The following ARHGEF26 variants were observed in gnomAD, a reference collection of about 807,000 sequenced individuals.
The protein encoded by ARHGEF26 is Rho guanine nucleotide exchange factor 26.
Under a neutral mutation model 89.4 loss-of-function variants are expected in ARHGEF26, and 59 were observed. The observed-to-expected ratio is 0.66, with a 90% confidence interval of 0.54 to 0.82. The LOEUF (loss-of-function observed/expected upper bound fraction) is 0.82. Among genes scored for constraint, ARHGEF26 ranks in the 40% least tolerant of loss-of-function variants. ARHGEF26 has a pLI of 0.00. For synonymous variants in ARHGEF26, 500 were observed against 428.4 expected (o/e 1.17, Z -2.06); for missense variants, 1,234 against 1,085.6 (o/e 1.14, Z -1.92).
At chr3:154,183,452 GC>G (rs1352842804) in intron 6 of ARHGEF26, among the ~76,000 whole-genome samples, 1 of 152,156 alleles carries the variant, frequency 6.6e-6, no homozygotes, top group Non-Finnish European at 1.5e-5. Flanking sequence ...CTCCTCGTAA[GC>G]CAAATTATTT....
chr3:154,159,371 A>G (rs1235150807), intron 6 of ARHGEF26, among the ~76,000 whole-genome samples: 1 of 152,166 alleles, frequency 6.6e-6, no homozygotes, highest in East Asian at 1.9e-4. Flanking sequence ...CAATTTCTGC[A>G]GAGTAAAGTA....
At chr3:154,180,395 T>G (rs1423773325) in intron 6 of ARHGEF26, among the ~76,000 whole-genome samples, 1 of 151,836 alleles carries the variant, frequency 6.6e-6, no homozygotes, top group Non-Finnish European at 1.5e-5. Context: ...GCTCAGGGCT[T>G]CTTAATTGTG....
chr3:154,185,789 T>C (rs1283969808), intron 6 of ARHGEF26, among the ~76,000 whole-genome samples: 9 of 152,208 alleles, frequency 5.9e-5, no homozygotes, highest in Admixed American at 5.9e-4. Flanking sequence ...TTGGTCTTTC[T>C]GGCATGCTGA....
chr3:154,164,986 T>A (rs960409175), intron 6 of ARHGEF26, among the ~76,000 whole-genome samples: 32 of 152,298 alleles, frequency 2.1e-4, no homozygotes, highest in African/African-American at 7.7e-4. Context: ...CTAAGTGGCA[T>A]TAAGGATTTT....
intron 3 of ARHGEF26, 31 bp downstream of exon 3, chr3:154,124,480 C>G (rs1718205325): frequency 1.3e-6 from 2 of 1,512,668 alleles, no homozygotes; most frequent in Non-Finnish European, 8.8e-7. Context: ...ACTTTCATTG[C>G]TGTTTCAATG....
At chr3:154,195,681 T>C (rs1314564377) in intron 9 of ARHGEF26, among the ~76,000 whole-genome samples, 3 of 152,188 alleles carry the variant, frequency 2.0e-5, no homozygotes, top group Admixed American at 2.0e-4. Flanking sequence ...ATTTGGGTTG[T>C]GTTGTCATTG....
chr3:154,207,403 A>G (rs1166990148), intron 9 of ARHGEF26, among the ~76,000 whole-genome samples: 4 of 152,124 alleles, frequency 2.6e-5, no homozygotes, highest in Non-Finnish European at 5.9e-5. Context: ...TTAAATTTAC[A>G]AGAAAAAAGA....
rs1418772573 is a variant in ARHGEF26, at chr3:154,122,203, G to T, written c.211G>T (p.Ala71Ser). 2 of 1,603,806 alleles carry T rather than the reference G, an allele frequency of 1.2e-6. No homozygotes were observed. The highest frequency in any genetic ancestry group is 2.3e-5 in the East Asian group (1 of 44,138). ...AAQIPAQVPT[A>S]SDSRTVHRSP... ...GCAGATTCCCGCCCAGGTGCCCACC[G>T]CCTCGGACAGCAGGACGGTACATAG... The change falls in exon 2 of 15, where the codon GCC becomes TCC. Residue 71 changes from alanine (A) to serine (S), a missense_variant. Transcript: ENST00000465093.
chr3:154,235,150 ATC>A (rs1717045440), intron 11 of ARHGEF26, among the ~76,000 whole-genome samples: 1 of 151,534 alleles, frequency 6.6e-6, no homozygotes, highest in Non-Finnish European at 1.5e-5. Context: ...ACTCCCTGCC[ATC>A]TCTCAAAAAA....
At chr3:154,192,855 AAAAT>A (rs1448275621) in intron 8 of ARHGEF26, among the ~76,000 whole-genome samples, 1 of 152,252 alleles carries the variant, frequency 6.6e-6, no homozygotes, top group Non-Finnish European at 1.5e-5. Flanking sequence ...TAAAAGAACA[AAAAT>A]AAATAAAATG....
chr3:154,126,220 C>T (rs1295179680), intron 3 of ARHGEF26, among the ~76,000 whole-genome samples: 4 of 152,106 alleles, frequency 2.6e-5, no homozygotes, highest in East Asian at 1.9e-4. Flanking sequence ...ATAGTGCATA[C>T]AGAATATTCT....
At chr3:154,200,742 A>T (rs1451312592) in intron 9 of ARHGEF26, among the ~76,000 whole-genome samples, 2 of 151,428 alleles carry the variant, frequency 1.3e-5, no homozygotes, top group Admixed American at 1.3e-4. Flanking sequence ...ATATTTTTTA[A>T]TTTTTTAGTG....
intron 11 of ARHGEF26, among the ~76,000 whole-genome samples, chr3:154,239,305 T>A (rs969088875): frequency 0.031 from 904 of 29,100 alleles, 4 homozygotes; most frequent in South Asian, 0.059. Context: ...AGAGAGTGTG[T>A]GTGTGTGTGT....
At chr3:154,208,088 A>G (rs1559899656) in intron 9 of ARHGEF26, among the ~76,000 whole-genome samples, 1 of 152,072 alleles carries the variant, frequency 6.6e-6, no homozygotes, top group Non-Finnish European at 1.5e-5. Context: ...ACTGGGGCCT[A>G]TTGGAGGATG....
chr3:154,164,843 A>T (rs1039641039), intron 6 of ARHGEF26, among the ~76,000 whole-genome samples: 3 of 152,146 alleles, frequency 2.0e-5, no homozygotes, highest in African/African-American at 7.2e-5. Flanking sequence ...GCTCTGAAAA[A>T]ATCTGCTGTG....
chr3:154,187,177 A>C (rs1713621452), intron 6 of ARHGEF26: 2 of 981,346 alleles, frequency 2.0e-6, no homozygotes, highest in Non-Finnish European at 2.4e-6. Context: ...CATGTGAGCC[A>C]CCACACCTCC....
intron 12 of ARHGEF26, among the ~76,000 whole-genome samples, chr3:154,249,698 T>TG (rs1718010187): frequency 6.6e-6 from 1 of 152,060 alleles, no homozygotes; most frequent in South Asian, 2.1e-4. Context: ...AAAGTGAATG[T>TG]GGGTAGAGGA....
At chr3:154,224,624 A>G (rs992365673) in intron 10 of ARHGEF26, among the ~76,000 whole-genome samples, 3 of 152,112 alleles carry the variant, frequency 2.0e-5, no homozygotes, top group African/African-American at 7.2e-5. Flanking sequence ...AGTCTGCCGG[A>G]GTTATCTAAG....
chr3:154,257,117 T>A lies in ARHGEF26; in HGVS notation c.*1644T>A. The stretch of plus-strand genomic sequence containing the variant: ...TACAGAAGCCCAGTTGAGGGGTAAG[T>A]GTGCCTGGCTCACACAGCCTGCACC... On this transcript the variant is annotated 3_prime_UTR_variant, in exon 15 of 15. Coordinates refer to ENST00000465093, the MANE Select transcript of ARHGEF26 (RefSeq NM_015595.4). 1.9e-6 allele frequency: 2 copies of A among 1,049,436 alleles called. No homozygotes were observed. Among genetic ancestry groups the A allele is most frequent in the Non-Finnish European group, 2.6e-6 (2 of 763,290 alleles). 65.0% of individuals were successfully genotyped at this position (1,049,436 alleles called of 1,614,324 possible). A position where few individuals can be genotyped will look rare whatever the true frequency, so the allele number is the denominator to read the frequency against.
Sources: gnomAD v4.1 joint callset for allele counts (sites outside exome capture counted in the v4.1 genomes callset) on GRCh38, gnomAD v4.1.1 for gene constraint, MANE v1.5 for transcripts, NCBI Gene and HGNC (gene_info 2026-07-23, HGNC 2026-07-21) for gene names.